The following RSRC1 variants were observed in gnomAD, a reference collection of about 807,000 sequenced individuals.
RSRC1 encodes arginine and serine rich coiled-coil 1, also known as serine/Arginine-related protein 53.
Under a neutral mutation model 49.1 loss-of-function variants are expected in RSRC1, and 39 were observed. The observed-to-expected ratio is 0.79, with a 90% CI of 0.61 to 1.04. The LOEUF (loss-of-function observed/expected upper bound fraction) is 1.04, where lower values mean the gene tolerates loss of function less well. RSRC1 is among the 50% of genes least tolerant of loss of function. RSRC1 has a pLI of 0.00. For missense variants in RSRC1, 388 were observed against 402.4 expected (o/e 0.96, Z 0.31); for synonymous variants, 143 against 130.8 (o/e 1.09, Z -0.63).
chr3:158,422,161 G>A (rs1224721837), intron 6 of RSRC1, among the ~76,000 whole-genome samples: 1 of 150,534 alleles, frequency 6.6e-6, no homozygotes, highest in East Asian at 2.0e-4. Context: ...TGCCATGCTG[G>A]TGCGCTGCAC....
At chr3:158,421,279 A>T (rs962903188) in intron 6 of RSRC1, among the ~76,000 whole-genome samples, 4 of 151,928 alleles carry the variant, frequency 2.6e-5, no homozygotes. Flanking sequence ...GTGGCCTTAT[A>T]AGCCATGATA....
chr3:158,290,654 C>T (rs1270886500), intron 4 of RSRC1, among the ~76,000 whole-genome samples: 3 of 152,026 alleles, frequency 2.0e-5, no homozygotes, highest in East Asian at 3.9e-4. Flanking sequence ...AAATCTAATA[C>T]ATGTAAAAAT....
At chr3:158,329,298 AG>A (rs1009901754) in intron 5 of RSRC1, among the ~76,000 whole-genome samples, 9 of 152,110 alleles carry the variant, frequency 5.9e-5, no homozygotes, top group African/African-American at 1.9e-4. Context: ...GTTCCTTTGG[AG>A]GGGGAGAGGT....
In RSRC1 at chr3:158,212,334, A is replaced by G. The variant is rs547703984; in HGVS notation, c.494+9089A>G. ...TTCAAGTGTGCGTGTGCATTCACAT[A>G]CATACACTACTTCCATCCAAGTCTC... On this transcript the variant is annotated intron_variant, in intron 4 of 9. Transcript: ENST00000611884. Among the ~76,000 whole-genome samples the G allele has an allele frequency of 1.3e-4, 20 of 151,892 alleles. No homozygotes were observed. In the East Asian group the frequency reaches 3.7e-3, roughly 28 times the overall value.
chr3:158,236,581 G>T (rs187453151), intron 4 of RSRC1, among the ~76,000 whole-genome samples: 1 of 152,234 alleles, frequency 6.6e-6, no homozygotes, highest in East Asian at 1.9e-4. Flanking sequence ...TTTCCATCTG[G>T]CTTTTTTTGC....
chr3:158,422,688 A>C (rs1316746512), intron 6 of RSRC1, among the ~76,000 whole-genome samples: 2 of 150,982 alleles, frequency 1.3e-5, no homozygotes, highest in Non-Finnish European at 2.9e-5. Flanking sequence ...TTACAGTCCC[A>C]CCAACAGTGT....
intron 6 of RSRC1, among the ~76,000 whole-genome samples, chr3:158,388,753 G>T (rs1307870764): frequency 6.6e-6 from 1 of 151,936 alleles, no homozygotes; most frequent in Non-Finnish European, 1.5e-5. Context: ...TGCACTACAG[G>T]CACACGCCAC....
At chr3:158,211,526 A>C (rs1351411323) in intron 4 of RSRC1, among the ~76,000 whole-genome samples, 1 of 151,932 alleles carries the variant, frequency 6.6e-6, no homozygotes, top group Non-Finnish European at 1.5e-5. Context: ...ACTGGACAAA[A>C]TTCATTTGCC....
chr3:158,397,567 A>C (rs1733679583), intron 6 of RSRC1, among the ~76,000 whole-genome samples: 2 of 152,300 alleles, frequency 1.3e-5, no homozygotes, highest in Middle Eastern at 3.4e-3. Flanking sequence ...ATATCTCAAA[A>C]GATGTGTAGA....
chr3:158,334,649 T>TTGTGTGTGTGTGTGTGTGTGTGTGTGTG (rs71840277), intron 5 of RSRC1, among the ~76,000 whole-genome samples: 1 of 137,446 alleles, frequency 7.3e-6, no homozygotes, highest in Admixed American at 7.3e-5. Context: ...CCCAGCTAAT[T>TTGTGTGTGTGTGTGTGTGTGTGTGTGTG]TGTGTGTGTG....
chr3:158,248,329 T>C (rs1029934896), intron 4 of RSRC1, among the ~76,000 whole-genome samples: 2 of 152,214 alleles, frequency 1.3e-5, no homozygotes, highest in Admixed American at 6.5e-5. Context: ...TCATTCAGCA[T>C]TATGATTTTG....
At chr3:158,137,799 G>T (rs1293331529) in intron 3 of RSRC1, among the ~76,000 whole-genome samples, 1 of 151,720 alleles carries the variant, frequency 6.6e-6, no homozygotes, top group Non-Finnish European at 1.5e-5. Context: ...GATTACAGGC[G>T]CCCACCACCA....
chr3:158,430,151 T>A (rs1735707184), intron 6 of RSRC1, among the ~76,000 whole-genome samples: 1 of 151,848 alleles, frequency 6.6e-6, no homozygotes, highest in Admixed American at 6.6e-5. Flanking sequence ...GTAGTGGTAA[T>A]GGTGATGGTG....
At chr3:158,487,580 T>C (rs1252424883) in intron 7 of RSRC1, among the ~76,000 whole-genome samples, 1 of 152,092 alleles carries the variant, frequency 6.6e-6, no homozygotes. Flanking sequence ...TAAAGATCAC[T>C]TGAGGAAGGA....
intron 3 of RSRC1, among the ~76,000 whole-genome samples, chr3:158,136,132 A>G (rs1366818154): frequency 6.6e-6 from 1 of 152,248 alleles, no homozygotes; most frequent in Non-Finnish European, 1.5e-5. Context: ...AGGTGGCATT[A>G]CAGACAAGAG....
In RSRC1 at chr3:158,539,311, A is replaced by G. The variant is rs1310325907; in HGVS notation, c.759+2113A>G. ...GGGAGCTTTTACCAGAAAAGTGGCTATTACCAGTGACATGCTAGACATTGT... is the reference window on the plus strand; with the variant it reads ...GGGAGCTTTTACCAGAAAAGTGGCTGTTACCAGTGACATGCTAGACATTGT... On this transcript the variant is annotated intron_variant, in intron 8 of 9. Coordinates refer to ENST00000611884, the MANE Select transcript of RSRC1 (RefSeq NM_001271838.2). The surrounding 1 kb of genome is among the most constrained non-coding windows in gnomAD (Gnocchi z 4.1). Among the ~76,000 whole-genome samples the G allele has an allele frequency of 2.6e-5, 4 of 152,106 alleles. No individual in the cohort carries two copies. The highest frequency in any genetic ancestry group is 1.5e-5 in the Non-Finnish European group (1 of 67,974).
intron 4 of RSRC1, among the ~76,000 whole-genome samples, chr3:158,254,454 C>T (rs974917530): frequency 4.6e-5 from 7 of 151,888 alleles, no homozygotes; most frequent in Admixed American, 1.3e-4. Flanking sequence ...TTTTTTGAGA[C>T]GGAGTCTCGC....
intron 4 of RSRC1, among the ~76,000 whole-genome samples, chr3:158,217,334 C>T (rs1172465172): frequency 1.3e-5 from 2 of 151,604 alleles, no homozygotes; most frequent in Non-Finnish European, 3.0e-5. Flanking sequence ...CTCTTCTGCT[C>T]ACTTGCATGT....
intron 7 of RSRC1, among the ~76,000 whole-genome samples, chr3:158,474,984 G>A (rs114223449): frequency 3.3e-5 from 5 of 151,706 alleles, no homozygotes; most frequent in Admixed American, 6.6e-5. Flanking sequence ...GTATGATCTC[G>A]GCTCATTGCA....
Sources: gnomAD v4.1 joint callset for allele counts (sites outside exome capture counted in the v4.1 genomes callset) on GRCh38, gnomAD v4.1.1 for gene constraint, Gnocchi (gnomAD v3.1) non-coding constraint, MANE v1.5 for transcripts, NCBI Gene and HGNC (gene_info 2026-07-23, HGNC 2026-07-21) for gene names.